The following SSBP3 variants were observed in gnomAD, a reference collection of about 807,000 sequenced individuals.
SSBP3 encodes single stranded DNA binding protein 3.
SSBP3 carries 5 observed loss-of-function variants against 69.6 expected under a neutral mutation model. The ratio of observed to expected loss-of-function variants is 0.07; its 90% confidence interval spans 0.04 to 0.15. The LOEUF is 0.15. SSBP3 is among the 10% of genes least tolerant of loss of function. The probability of loss-of-function intolerance (pLI) is 1.00; values close to 1 mark genes in which losing one functional copy is unlikely to be tolerated. For missense variants in SSBP3, 312 were observed against 534.0 expected (o/e 0.58, Z 4.10); for synonymous variants, 196 against 193.4 (o/e 1.01, Z -0.11).
intron 4 of SSBP3, among the ~76,000 whole-genome samples, chr1:54,330,850 C>T (rs145849038): frequency 2.6e-5 from 4 of 152,310 alleles, no homozygotes; most frequent in African/African-American, 9.6e-5. Context: ...GAAGTCCGTG[C>T]TACCTCCTGA....
At chr1:54,253,174 G>GTTTTTTTTTTTTT (rs5774180) in intron 7 of SSBP3, among the ~76,000 whole-genome samples, 1 of 135,114 alleles carries the variant, frequency 7.4e-6, no homozygotes, top group African/African-American at 2.8e-5. Flanking sequence ...ATTTGTTTTT[G>GTTTTTTTTTTTTT]TTTTTTTTTT....
intron 4 of SSBP3, among the ~76,000 whole-genome samples, chr1:54,349,325 G>A (rs559508856): frequency 4.4e-4 from 67 of 152,306 alleles, no homozygotes; most frequent in African/African-American, 2.2e-4. Context: ...CACCTACAGC[G>A]GTGCCTGGCA....
At chr1:54,227,283 T>G (rs1232587009) in intron 17 of SSBP3, 123 bp from the exon 18 acceptor site, 3 of 709,594 alleles carry the variant, frequency 4.2e-6, no homozygotes, top group Non-Finnish European at 5.2e-6. Context: ...GGGATGTGGT[T>G]GAGCTGAGGG....
intron 4 of SSBP3, among the ~76,000 whole-genome samples, chr1:54,288,818 A>G (rs1387753740): frequency 2.0e-5 from 3 of 152,016 alleles, no homozygotes; most frequent in East Asian, 1.9e-4. Context: ...GGAGATCGAG[A>G]CCATCCTGGC....
intron 4 of SSBP3, among the ~76,000 whole-genome samples, chr1:54,298,590 G>C (rs1002534005): frequency 6.6e-6 from 1 of 152,118 alleles, no homozygotes; most frequent in East Asian, 1.9e-4. Context: ...ACTTCTTTTC[G>C]TAGCTTTAGA....
intron 4 of SSBP3, among the ~76,000 whole-genome samples, chr1:54,360,427 G>A (rs1008648867): frequency 1.3e-5 from 2 of 152,156 alleles, no homozygotes; most frequent in Non-Finnish European, 1.5e-5. Context: ...GTCCAATCTT[G>A]GCAATCACTT....
intron 4 of SSBP3, among the ~76,000 whole-genome samples, chr1:54,304,915 GACC>G (rs758980557): frequency 6.6e-6 from 1 of 152,130 alleles, no homozygotes; most frequent in Non-Finnish European, 1.5e-5. Flanking sequence ...GAGCCTGGAA[GACC>G]ACCACCACCA....
chr1:54,262,588 C>A (rs1645035078), intron 5 of SSBP3, among the ~76,000 whole-genome samples: 1 of 152,202 alleles, frequency 6.6e-6, no homozygotes, highest in African/African-American at 2.4e-5. Flanking sequence ...AACGATTACA[C>A]AGAGAGAAAT....
chr1:54,387,445 G>A (rs552442384), intron 4 of SSBP3, among the ~76,000 whole-genome samples: 25 of 152,112 alleles, frequency 1.6e-4, no homozygotes, highest in Non-Finnish European at 3.1e-4. Context: ...CTACTCTACA[G>A]AAGGGCCTTC....
chr1:54,381,225 A>G (rs1250681471), intron 4 of SSBP3, among the ~76,000 whole-genome samples: 11 of 152,078 alleles, frequency 7.2e-5, no homozygotes, highest in Admixed American at 7.2e-4. Flanking sequence ...TCTACTAAAA[A>G]TACAAAAATT....
chr1:54,357,508 G>A (rs1455600642), intron 4 of SSBP3, among the ~76,000 whole-genome samples: 1 of 152,240 alleles, frequency 6.6e-6, no homozygotes, highest in Non-Finnish European at 1.5e-5. Flanking sequence ...GCACATCCTT[G>A]CCACCTCATC....
chr1:54,398,621 T>G (rs143786316), intron 4 of SSBP3, among the ~76,000 whole-genome samples: 19 of 152,318 alleles, frequency 1.2e-4, no homozygotes, highest in African/African-American at 4.6e-4. Flanking sequence ...CCCAAAGAGA[T>G]GCCCCAATGG....
At chr1:54,229,050 G>A (rs1237558472) in intron 14 of SSBP3, among the ~76,000 whole-genome samples, 1 of 152,218 alleles carries the variant, frequency 6.6e-6, no homozygotes, top group Non-Finnish European at 1.5e-5. Context: ...CCCAGGTGAG[G>A]GAGAGGGACT....
At chr1:54,289,028 A>AAC (rs1557499246) in intron 4 of SSBP3, among the ~76,000 whole-genome samples, 2 of 74,532 alleles carry the variant, frequency 2.7e-5, no homozygotes, top group East Asian at 2.2e-4. Context: ...TCCAAAAAAA[A>AAC]AAAAAAAACA....
At chr1:54,241,291 G>A (rs1207245700) in intron 12 of SSBP3, among the ~76,000 whole-genome samples, 183 bp downstream of exon 12, 1 of 152,178 alleles carries the variant, frequency 6.6e-6, no homozygotes, top group African/African-American at 2.4e-5. Context: ...GGTCTGGTTT[G>A]GGGATTTCTG....
At chr1:54,248,673 C>T (rs769012768) in intron 9 of SSBP3, among the ~76,000 whole-genome samples, 1 of 152,160 alleles carries the variant, frequency 6.6e-6, no homozygotes, top group South Asian at 2.1e-4. Flanking sequence ...TGACCACAGA[C>T]CCTGTAATCC....
At chr1:54,245,738 T>C (rs985029419) in intron 9 of SSBP3, among the ~76,000 whole-genome samples, 11 of 152,192 alleles carry the variant, frequency 7.2e-5, no homozygotes, top group African/African-American at 2.4e-4. Context: ...TGTGGGAATG[T>C]GCTGGGGCCA....
intron 4 of SSBP3, among the ~76,000 whole-genome samples, chr1:54,384,332 T>C (rs1213789893): frequency 2.0e-5 from 3 of 152,144 alleles, no homozygotes; most frequent in South Asian, 2.1e-4. Flanking sequence ...GCAGACGAAC[T>C]TGGACTTGTT....
chr1:54,403,070 C>T lies in SSBP3; in HGVS notation c.192-1125G>A, dbSNP rs1404365151. ...CCAGACAAGCTCCACTGCTTCCTCC[C>T]GCTGGAGAAAGCCTGGGTCATTTGC... On this transcript the variant is annotated intron_variant, in intron 3 of 17. Transcript: ENST00000610401. 2.6e-5 allele frequency among the ~76,000 whole-genome samples: 4 copies of T among 152,196 alleles called. No homozygotes were observed. The East Asian group carries it at 5.8e-4, about 22-fold the overall frequency.
Sources: gnomAD v4.1 joint callset for allele counts (sites outside exome capture counted in the v4.1 genomes callset) on GRCh38, gnomAD v4.1.1 for gene constraint, MANE v1.5 for transcripts, NCBI Gene and HGNC (gene_info 2026-07-23, HGNC 2026-07-21) for gene names.